CFAP69: variants seen among roughly 807,000 people sequenced by gnomAD.
CFAP69 encodes the protein cilia and flagella associated protein 69, also known as cilia- and flagella-associated protein 69.
A neutral mutation model predicts 123.0 loss-of-function variants in CFAP69; 92 were observed. The ratio of observed to expected loss-of-function variants is 0.75; its 90% CI spans 0.63 to 0.89. The LOEUF (loss-of-function observed/expected upper bound fraction) is 0.89, where lower values mean the gene tolerates loss of function less well. CFAP69 is among the 40% of genes least tolerant of loss of function. The pLI, the probability that CFAP69 is intolerant of heterozygous loss-of-function variation, is 0.00. For missense variants in CFAP69, 1,067 were observed against 1,096.9 expected, an observed-to-expected ratio of 0.97 and a Z score of 0.39; for synonymous variants, 380 against 364.3, an observed-to-expected ratio of 1.04 and a Z score of -0.49.
At chr7:90,257,966 C>A in intron 2 of CFAP69, 132 bp from the exon 3 acceptor site, 149 of 560,404 alleles carry the variant, frequency 2.7e-4, no homozygotes, top group Middle Eastern at 4.9e-4. Flanking sequence ...CATTTTATAA[C>A]GTTTACATTA....
chr7:90,265,393 C>T lies in CFAP69; in HGVS notation c.433+16C>T. 6.4e-7 allele frequency: 1 copy of T among 1,566,044 alleles called. No homozygotes were observed. Among genetic ancestry groups the T allele is most frequent in the Non-Finnish European group, 8.8e-7 (1 of 1,138,144 alleles). ...GCACTTCTGGGTAAGTTAAGATTTC[C>T]TTAAGGTATAGGGATGTAACATACG... On this transcript the variant is annotated intron_variant, in intron 5 of 22. Transcript: ENST00000389297.
At chr7:90,298,358 A>G (rs12155096) in intron 16 of CFAP69, among the ~76,000 whole-genome samples, 4,198 of 152,312 alleles carry the variant, frequency 0.028, 91 homozygotes, top group South Asian at 0.11. Context: ...AGTGCCATCT[A>G]GCAGCTGTGA....
intron 9 of CFAP69, chr7:90,276,281 T>C (rs960325441): frequency 6.6e-6 from 1 of 152,220 alleles, no homozygotes; most frequent in African/African-American, 2.4e-5. Context: ...CATAGTATCC[T>C]AGTTAAAGCT....
intron 3 of CFAP69, among the ~76,000 whole-genome samples, chr7:90,259,236 G>A (rs924482898): frequency 5.9e-5 from 9 of 151,958 alleles, no homozygotes; most frequent in Non-Finnish European, 1.3e-4. Flanking sequence ...AACATACCAA[G>A]ACCCTGCCTC....
chr7:90,264,091 GAAAA>G (rs1165222104), intron 4 of CFAP69, among the ~76,000 whole-genome samples: 6 of 17,994 alleles, frequency 3.3e-4, no homozygotes, highest in Non-Finnish European at 5.3e-4. Context: ...ACTCCATCTC[GAAAA>G]AAAAAAAAAA....
chr7:90,270,004 T>C (rs547922451), intron 6 of CFAP69: 3 of 152,188 alleles, frequency 2.0e-5, no homozygotes, highest in Non-Finnish European at 2.9e-5. Context: ...ACCAGTGGTG[T>C]AGGACTTAAG....
At chr7:90,257,483 A>G (rs1797787154) in intron 2 of CFAP69, among the ~76,000 whole-genome samples, 2 of 152,148 alleles carry the variant, frequency 1.3e-5, no homozygotes, top group African/African-American at 4.8e-5. Context: ...GAAATATACA[A>G]TACATTGTTG....
At chr7:90,273,922 T>G in intron 8 of CFAP69, 65 bp from the exon 9 acceptor site, 1 of 1,259,620 alleles carries the variant, frequency 7.9e-7, no homozygotes, top group Non-Finnish European at 1.1e-6. Context: ...ATATATGAAT[T>G]TTGGAGGGAC....
chr7:90,272,286 C>T, intron 8 of CFAP69: 1 of 182,650 alleles, frequency 5.5e-6, no homozygotes, highest in East Asian at 1.4e-4. Context: ...CCAGATATTG[C>T]AGTAAGCATT....
At chr7:90,259,637 T>A (rs1218795655) in intron 3 of CFAP69, among the ~76,000 whole-genome samples, 1 of 151,988 alleles carries the variant, frequency 6.6e-6, no homozygotes, top group African/African-American at 2.4e-5. Flanking sequence ...ACTACAGGAA[T>A]GCACCCACCA....
In CFAP69 at chr7:90,255,441, G is replaced by A. The variant is rs1308976975; in HGVS notation, c.139G>A (p.Asp47Asn). The A allele has an allele frequency of 6.2e-7, 1 of 1,612,728 alleles. No homozygotes were observed. The highest frequency in any genetic ancestry group is 2.2e-5 in the East Asian group (1 of 44,762). ...TTTTTAGGATGTTTTCAAGCCTATG[G>A]ACCTTAATCGTGTCATCAAACTCCT... The part of the protein sequence containing the change: ...DEAQDVFKPM[D>N]LNRVIKLLEE... Residue 47 changes from aspartate to asparagine, a missense_variant, in exon 2 of 23, where the codon GAC becomes AAC. Transcript: ENST00000389297.
chr7:90,301,770 A>G (rs1388050661), intron 17 of CFAP69: 1 of 152,196 alleles, frequency 6.6e-6, no homozygotes, highest in African/African-American at 2.4e-5. Flanking sequence ...GCTATTGTGA[A>G]TAGTGCTGCA....
In CFAP69 at chr7:90,310,428, G is replaced by GTCA; in HGVS notation, c.*194_*196dup. ...ATCAACATGTAATATCAGAAGAGTT[G>GTCA]TCATCAGTTTCTTTGGAAAGGCTAC... is the stretch of plus-strand genomic sequence containing the variant. On this transcript the variant is annotated 3_prime_UTR_variant, in exon 23 of 23. Transcript: ENST00000389297. 3.1e-6 allele frequency: 1 copy of GTCA among 322,340 alleles called. No homozygotes were observed. The highest frequency in any genetic ancestry group is 5.4e-6 in the Non-Finnish European group (1 of 183,654). 20.0% of individuals were successfully genotyped at this position (322,340 alleles called of 1,614,324 possible). A position where few individuals can be genotyped will look rare whatever the true frequency, so the allele number is the denominator to read the frequency against.
intron 12 of CFAP69, among the ~76,000 whole-genome samples, chr7:90,282,586 A>G (rs1461029636): frequency 6.6e-6 from 1 of 152,212 alleles, no homozygotes; most frequent in Middle Eastern, 3.2e-3. Context: ...AACGAATTAA[A>G]ATTAATAATC....
chr7:90,295,502 T>A (rs1791813622), intron 15 of CFAP69, among the ~76,000 whole-genome samples: 1 of 152,158 alleles, frequency 6.6e-6, no homozygotes, highest in Non-Finnish European at 1.5e-5. Context: ...TATCGTCCCT[T>A]CGGGGCTTGC....
chr7:90,265,226 C>G lies in CFAP69; in HGVS notation c.357-75C>G, dbSNP rs150623561. ...AATTTATTCTTTAGAAATGAACTCT[C>G]CCCCACTTACAAATGATGCTTCAAT... On this transcript the variant is annotated intron_variant, in intron 4 of 22. Transcript: ENST00000389297. 360 of 849,794 alleles carry G rather than the reference C, an allele frequency of 4.2e-4. No individual in the cohort carries two copies. The African/African-American group carries it at 5.4e-3, about 13-fold the overall frequency. The allele number at this position is 849,794 out of a possible 1,614,324, so 52.6% of individuals were successfully genotyped here. A position where few individuals can be genotyped will look rare whatever the true frequency, so the allele number is the denominator to read the frequency against.
chr7:90,267,107 T>G (rs1298298482), intron 5 of CFAP69, among the ~76,000 whole-genome samples: 1 of 152,226 alleles, frequency 6.6e-6, no homozygotes, highest in African/African-American at 2.4e-5. Flanking sequence ...TTGCCTAATA[T>G]GTTTTAAAAC....
intron 2 of CFAP69, among the ~76,000 whole-genome samples, chr7:90,257,656 A>C (rs555579891): frequency 7.9e-5 from 12 of 152,292 alleles, no homozygotes; most frequent in African/African-American, 2.6e-4. Flanking sequence ...GGCTTATTTC[A>C]CTTAATATCT....
chr7:90,269,899 G>T (rs963812345), intron 6 of CFAP69, among the ~76,000 whole-genome samples: 1 of 152,128 alleles, frequency 6.6e-6, no homozygotes. Flanking sequence ...AAATGGGAAG[G>T]TGAAATTCTC....
Sources: gnomAD v4.1 joint callset for allele counts (sites outside exome capture counted in the v4.1 genomes callset) on GRCh38, gnomAD v4.1.1 for gene constraint, MANE v1.5 for transcripts, NCBI Gene and HGNC (gene_info 2026-07-23, HGNC 2026-07-21) for gene names.